Variants in GOT2 observed in about 807,000 individuals in gnomAD.
GOT2 encodes the protein glutamic-oxaloacetic transaminase 2, also known as aspartate aminotransferase, mitochondrial.
Under a neutral mutation model 50.0 loss-of-function variants are expected in GOT2, and 17 were observed. That is an observed-to-expected ratio of 0.34 (90% CI 0.23 to 0.51). The LOEUF is 0.51. Ranked by LOEUF, GOT2 falls within the 20% of genes least tolerant of loss-of-function variation. The pLI is 0.97. For missense variants in GOT2, 430 were observed against 559.6 expected, an observed-to-expected ratio of 0.77 and a Z score of 2.34; for synonymous variants, 172 against 204.9, an observed-to-expected ratio of 0.84 and a Z score of 1.37.
At chr16:58,710,266 G>A (rs958236757) in intron 8 of GOT2, among the ~76,000 whole-genome samples, 1 of 152,002 alleles carries the variant, frequency 6.6e-6, no homozygotes, top group South Asian at 2.1e-4. Context: ...CACCCAGGCT[G>A]GATAGTACAA....
At chr16:58,733,587 G>T (rs7185829) in intron 1 of GOT2, among the ~76,000 whole-genome samples, 1 of 152,144 alleles carries the variant, frequency 6.6e-6, no homozygotes, top group Non-Finnish European at 1.5e-5. Flanking sequence ...GCAAGGTCAG[G>T]AGAATGCCGC....
intron 1 of GOT2, among the ~76,000 whole-genome samples, chr16:58,728,995 C>G (rs982090865): frequency 2.6e-5 from 4 of 152,002 alleles, no homozygotes; most frequent in East Asian, 3.9e-4. Context: ...CCCTTTTCTG[C>G]TTTTCAATTA....
rs2044617591 is a variant in GOT2, at chr16:58,708,108, G to A, written c.*63C>T. The stretch of plus-strand genomic sequence containing the variant: ...ATCCACCCTCTCTCATTGTCTGTGT[G>A]AAGCTCTCAATAGCAGAGGCTGAAG... On this transcript the variant is annotated 3_prime_UTR_variant, in exon 10 of 10. Coordinates refer to ENST00000245206, the MANE Select transcript of GOT2 (RefSeq NM_002080.4). 6.5e-7 allele frequency: 1 copy of A among 1,543,468 alleles called. No homozygotes were observed. Among genetic ancestry groups the A allele is most frequent in the Admixed American group, 1.7e-5 (1 of 57,894 alleles).
At position 58,723,764 on chromosome 16, in the gene GOT2, A is replaced by C. The variant is rs14221; in HGVS notation, c.228T>G (p.Val76=). The C allele has an allele frequency of 0.65, 1,041,249 of 1,606,380 alleles. 341,296 individuals carry two copies. The highest frequency in any genetic ancestry group is 0.84 in the African/African-American group (62,853 of 74,812). The change falls in exon 2 of 10, where the codon GTT becomes GTG. Residue 76 remains valine (V), a synonymous_variant. Transcript: ENST00000245206. ...AYRDDNGKPY[V]LPSVRKAEAQ... The stretch of plus-strand genomic sequence containing the variant: ...AGCTCACCTTGCGGACGCTAGGCAG[A>C]ACGTAAGGCTTTCCATTATCATCCC...
rs143199603 is a variant in GOT2 at position 58,721,087 on chromosome 16, T to C, written c.375+1063A>G. ...ATTCTATTTGACGTAGGATAATTAC[T>C]ACATAACCCTGGGGTTGAGGTTGTG... On this transcript the variant is annotated intron_variant, in intron 3 of 9. Coordinates refer to ENST00000245206, the MANE Select transcript of GOT2 (RefSeq NM_002080.4). 2.1e-3 allele frequency among the ~76,000 whole-genome samples: 318 copies of C among 152,326 alleles called. 4 individuals are homozygous for C. The highest frequency in any genetic ancestry group is 7.1e-3 in the African/African-American group (297 of 41,580).
At position 58,718,524 on chromosome 16, in the gene GOT2, T is replaced by TA; in HGVS notation, c.597+2dup. On this transcript the variant is annotated splice_region_variant and intron_variant, in intron 5 of 9. Transcript: ENST00000245206. Reference sequence around the variant, plus strand: ...CCTCTCTCACCCTGAAAGCCACACTTACTGAAATATCCTCCACAGCGCCTG... The same window carrying TA: ...CCTCTCTCACCCTGAAAGCCACACTTAACTGAAATATCCTCCACAGCGCCTG... The TA allele has an allele frequency of 6.4e-7, 1 of 1,567,958 alleles. No homozygotes were observed. The highest frequency in any genetic ancestry group is 8.6e-7 in the Non-Finnish European group (1 of 1,158,302).
rs373228359 is a variant in GOT2, at chr16:58,707,608, A to C, written c.*563T>G. On this transcript the variant is annotated 3_prime_UTR_variant, in exon 10 of 10. Transcript: ENST00000245206. ...AGGAAAAGAACGGCAATGACAAGGG[A>C]GAAAAGAGAGCCTTCTCTTTTTCTT... is the stretch of plus-strand genomic sequence containing the variant. 1 of 152,204 alleles carries C rather than the reference A, an allele frequency of 6.6e-6. No individual in the cohort carries two copies. Among genetic ancestry groups the C allele is most frequent in the Non-Finnish European group, 1.5e-5 (1 of 68,046 alleles). 9.4% of individuals were successfully genotyped at this position (152,204 alleles called of 1,614,324 possible).
Position 58,721,217 on chromosome 16 carries a change from G to A in GOT2, c.375+933C>T, listed in dbSNP as rs527343027. On this transcript the variant is annotated intron_variant, in intron 3 of 9. Transcript: ENST00000245206. ...GAGGGGGAAGGGCAGAAAAAATGTT[G>A]ACTTAATTTTGCTAGTTTGTATGTT... 7.2e-5 allele frequency among the ~76,000 whole-genome samples: 11 copies of A among 152,274 alleles called. 1 individual carries two copies. In the South Asian group the frequency reaches 2.3e-3, roughly 32 times the overall value.
In GOT2 at chr16:58,718,111, ACT is replaced by A. The variant is rs1469270895; in HGVS notation, c.702+83_702+84del. 4 of 942,096 alleles carry A rather than the reference ACT, an allele frequency of 4.2e-6. No individual in the cohort carries two copies. The African/African-American group carries it at 4.8e-5, about 11-fold the overall frequency. 58.4% of individuals were successfully genotyped at this position (942,096 alleles called of 1,614,324 possible). On this transcript the variant is annotated intron_variant, in intron 6 of 9. Coordinates refer to ENST00000245206, the MANE Select transcript of GOT2 (RefSeq NM_002080.4). ...CATTTCACGCAGGTTCGAGGTTAAG[ACT>A]CTCTGTTGAGACATTGCCAAATTAA...
chr16:58,729,031 T>C (rs2044811055), intron 1 of GOT2, among the ~76,000 whole-genome samples: 1 of 151,910 alleles, frequency 6.6e-6, no homozygotes. Context: ...TTCTAGAGAA[T>C]CAGGAGACAC....
chr16:58,710,493 A>G (rs1280324811), intron 8 of GOT2, among the ~76,000 whole-genome samples: 4 of 151,630 alleles, frequency 2.6e-5, no homozygotes, highest in Non-Finnish European at 5.9e-5. Flanking sequence ...TGGCCTCCCA[A>G]AATGCTAGGA....
intron 1 of GOT2, among the ~76,000 whole-genome samples, chr16:58,732,419 T>C (rs1323041440): frequency 6.6e-6 from 1 of 152,242 alleles, no homozygotes; most frequent in East Asian, 1.9e-4. Context: ...TATGATCAAT[T>C]AGTTGTAAAC....
chr16:58,732,131 C>T (rs1268816071), intron 1 of GOT2, among the ~76,000 whole-genome samples: 3 of 152,138 alleles, frequency 2.0e-5, no homozygotes, highest in Admixed American at 2.0e-4. Context: ...CACAGGGAGA[C>T]TCTGTCTCTA....
chr16:58,727,648 T>TATGGGATTA (rs1413429483), intron 1 of GOT2, among the ~76,000 whole-genome samples: 1 of 152,100 alleles, frequency 6.6e-6, no homozygotes, highest in Non-Finnish European at 1.5e-5. Context: ...TTATGGGATA[T>TATGGGATTA]TACTTATGGG....
chr16:58,709,880 C>T (rs1005865683), intron 8 of GOT2, among the ~76,000 whole-genome samples: 1 of 152,112 alleles, frequency 6.6e-6, no homozygotes, highest in African/African-American at 2.4e-5. Context: ...ACTTTAAGTA[C>T]CCATACAGCC....
At chr16:58,728,286 G>A (rs2044803709) in intron 1 of GOT2, among the ~76,000 whole-genome samples, 2 of 152,156 alleles carry the variant, frequency 1.3e-5, no homozygotes, top group South Asian at 4.1e-4. Flanking sequence ...TCAGCCACCT[G>A]CCAGCTGTGT....
At chr16:58,715,629 T>C (rs1169539415) in intron 8 of GOT2, among the ~76,000 whole-genome samples, 2 of 152,228 alleles carry the variant, frequency 1.3e-5, no homozygotes, top group Non-Finnish European at 2.9e-5. Flanking sequence ...CTCGGCTCAC[T>C]GCAGCCTTCG....
chr16:58,722,096 A>C (rs895356282), intron 3 of GOT2, 54 bp downstream of exon 3: 1 of 1,594,632 alleles, frequency 6.3e-7, no homozygotes, highest in Non-Finnish European at 8.6e-7. Context: ...TGTTTAAATA[A>C]TTACAAATTT....
intron 1 of GOT2, among the ~76,000 whole-genome samples, chr16:58,725,119 T>TTC (rs1023481983): frequency 1.5e-4 from 22 of 151,614 alleles, no homozygotes; most frequent in South Asian, 6.3e-4. Context: ...TTTCTTTTTT[T>TTC]TTTTTGGAGC....
Sources: gnomAD v4.1 joint callset for allele counts (sites outside exome capture counted in the v4.1 genomes callset) on GRCh38, gnomAD v4.1.1 for gene constraint, MANE v1.5 for transcripts, NCBI Gene and HGNC (gene_info 2026-07-23, HGNC 2026-07-21) for gene names.